The following MTHFD1L variants were observed in gnomAD, a reference collection of about 807,000 sequenced individuals.
MTHFD1L encodes methylenetetrahydrofolate dehydrogenase (NADP+ dependent) 1 like.
A neutral mutation model predicts 119.5 loss-of-function variants in MTHFD1L; 81 were observed. That is an observed-to-expected ratio of 0.68 (90% CI 0.57 to 0.82). The LOEUF (loss-of-function observed/expected upper bound fraction) is 0.82. Among genes scored for constraint, MTHFD1L ranks in the 40% least tolerant of loss-of-function variants. MTHFD1L has a pLI of 0.00. For missense variants in MTHFD1L, 1,125 were observed against 1,253.4 expected, an observed-to-expected ratio of 0.90 and a Z score of 1.55; for synonymous variants, 430 against 475.2, an observed-to-expected ratio of 0.90 and a Z score of 1.24.
intron 20 of MTHFD1L, among the ~76,000 whole-genome samples, chr6:151,008,795 G>T (rs574061413): frequency 4.5e-4 from 69 of 152,132 alleles, no homozygotes; most frequent in Admixed American, 2.2e-3. Flanking sequence ...TTACTGGGTG[G>T]CACTAAAATA....
In MTHFD1L at chr6:151,100,657, TA is replaced by T. The variant is rs1795295366; in HGVS notation, c.*32-867del. Among the ~76,000 whole-genome samples, 6 of 151,544 alleles carry T rather than the reference TA, an allele frequency of 4.0e-5. No individual in the cohort carries two copies. The South Asian group carries it at 1.3e-3, about 32-fold the overall frequency. On this transcript the variant is annotated intron_variant, in intron 27 of 27. Coordinates refer to ENST00000367321, the MANE Select transcript of MTHFD1L (RefSeq NM_015440.5). Reference sequence around the variant, plus strand: ...TTGTTTTGTTTCTTTTTTTTTTTTTTAATGTAGTTTATTTCTCTTTCTAAGA... The same window carrying T: ...TTGTTTTGTTTCTTTTTTTTTTTTTTATGTAGTTTATTTCTCTTTCTAAGA...
At chr6:150,960,165 G>A in intron 17 of MTHFD1L, 110 bp from the exon 18 acceptor site, 1 of 1,388,958 alleles carries the variant, frequency 7.2e-7, no homozygotes, top group Non-Finnish European at 9.7e-7. Context: ...CCTTTTGAGG[G>A]TAGACTCTCT....
chr6:151,027,340 T>C (rs1269396251), intron 24 of MTHFD1L, among the ~76,000 whole-genome samples: 2 of 152,168 alleles, frequency 1.3e-5, no homozygotes, highest in Non-Finnish European at 2.9e-5. Context: ...ACAAAGTCCC[T>C]GAAGCTGTAT....
Position 150,885,825 on chromosome 6 carries a change from T to A in MTHFD1L, c.643+91T>A, listed in dbSNP as rs974032165. 37 of 964,712 alleles carry A rather than the reference T, an allele frequency of 3.8e-5. No homozygotes were observed. In the Admixed American group the frequency reaches 4.7e-4, roughly 12 times the overall value. The allele number at this position is 964,712 out of a possible 1,614,324, so 59.8% of individuals were successfully genotyped here. On this transcript the variant is annotated intron_variant, in intron 6 of 27. Coordinates refer to ENST00000367321, the MANE Select transcript of MTHFD1L (RefSeq NM_015440.5). Reference sequence around the variant, plus strand: ...GATTTGTTTGGGGAAGAATTAAAAATTTTTTTAAATTATTATTCTGATATC... The same window carrying A: ...GATTTGTTTGGGGAAGAATTAAAAAATTTTTTAAATTATTATTCTGATATC...
intron 20 of MTHFD1L, among the ~76,000 whole-genome samples, chr6:150,994,095 A>AGAAAGAAAGAAAGAAAG (rs1562508913): frequency 7.0e-6 from 1 of 143,826 alleles, no homozygotes; most frequent in African/African-American, 2.7e-5. Context: ...GAAAGAAAGA[A>AGAAAGAAAGAAAGAAAG]AGTGACCCAG....
intron 20 of MTHFD1L, among the ~76,000 whole-genome samples, chr6:150,998,592 G>A (rs962130287): frequency 3.3e-5 from 5 of 150,290 alleles, no homozygotes; most frequent in African/African-American, 1.2e-4. Flanking sequence ...ACAACATGAT[G>A]CCACCAGTGG....
In MTHFD1L at chr6:150,947,672, T is replaced by G. The variant is rs370869966; in HGVS notation, c.1624-1359T>G. 6.3e-4 allele frequency among the ~76,000 whole-genome samples: 94 copies of G among 148,232 alleles called. 2 individuals carry two copies. In the South Asian group the frequency reaches 0.019, roughly 31 times the overall value. Reference sequence around the variant, plus strand: ...TTGAAACATAGGAATAAACTTAACTTGAATTACTGGTATTTGTATTTGAAA... The same window carrying G: ...TTGAAACATAGGAATAAACTTAACTGGAATTACTGGTATTTGTATTTGAAA... On this transcript the variant is annotated intron_variant, in intron 15 of 27. Coordinates refer to ENST00000367321, the MANE Select transcript of MTHFD1L (RefSeq NM_015440.5).
chr6:150,945,482 C>T lies in MTHFD1L; in HGVS notation c.1564C>T (p.Leu522=). 6.2e-7 allele frequency: 1 copy of T among 1,613,806 alleles called. No individual in the cohort carries two copies. Among genetic ancestry groups the T allele is most frequent in the Non-Finnish European group, 8.5e-7 (1 of 1,179,944 alleles). ...TQTDKALYNR[L]VPLVNGVREF... ...GTGTTTTTAGGCTCTGTATAATCGGCTGGTTCCTTTAGTGAATGGTGTCAG... is the reference window on the plus strand; with the variant it reads ...GTGTTTTTAGGCTCTGTATAATCGGTTGGTTCCTTTAGTGAATGGTGTCAG... Residue 522 remains leucine, a synonymous_variant, in exon 15 of 28, where the codon CTG becomes TTG. Transcript: ENST00000367321.
In MTHFD1L at chr6:151,046,778, A is replaced by G. The variant is rs1788154884; in HGVS notation, c.2847+9661A>G. Among the ~76,000 whole-genome samples the G allele has an allele frequency of 2.6e-5, 4 of 152,280 alleles. No individual in the cohort carries two copies. In the South Asian group the frequency reaches 8.3e-4, roughly 32 times the overall value. ...CAGCTAAGCAATATATGCAAGGGAA[A>G]TAAAATGAATGCAAACCAAGATACC... On this transcript the variant is annotated intron_variant, in intron 26 of 27. Coordinates refer to ENST00000367321, the MANE Select transcript of MTHFD1L (RefSeq NM_015440.5).
At chr6:151,069,963 G>A (rs573030996) in intron 26 of MTHFD1L, among the ~76,000 whole-genome samples, 3 of 152,212 alleles carry the variant, frequency 2.0e-5, no homozygotes, top group East Asian at 3.9e-4. Flanking sequence ...TTATGTTGAC[G>A]CAGAGGACCT....
intron 26 of MTHFD1L, among the ~76,000 whole-genome samples, chr6:151,087,120 G>A (rs1027654569): frequency 2.0e-5 from 3 of 152,060 alleles, no homozygotes; most frequent in East Asian, 1.9e-4. Context: ...ATGGCGGCGG[G>A]CACCTGTAAT....
At chr6:151,096,317 G>A (rs949999242) in intron 27 of MTHFD1L, among the ~76,000 whole-genome samples, 2 of 152,080 alleles carry the variant, frequency 1.3e-5, no homozygotes, top group Non-Finnish European at 2.9e-5. Context: ...CCAATCCAAG[G>A]CCTCTTTCTT....
intron 20 of MTHFD1L, among the ~76,000 whole-genome samples, chr6:151,006,865 C>G (rs573747981): frequency 6.6e-6 from 1 of 152,132 alleles, no homozygotes; most frequent in Non-Finnish European, 1.5e-5. Context: ...GATCAGCCCC[C>G]GTTATGTAAA....
intron 1 of MTHFD1L, among the ~76,000 whole-genome samples, chr6:150,867,565 T>C (rs555996486): frequency 6.6e-6 from 1 of 152,338 alleles, no homozygotes; most frequent in African/African-American, 2.4e-5. Flanking sequence ...TCTCCCGTCA[T>C]GCTGTTTTAT....
intron 24 of MTHFD1L, among the ~76,000 whole-genome samples, chr6:151,019,150 A>G (rs2128498473): frequency 6.6e-6 from 1 of 151,522 alleles, no homozygotes; most frequent in East Asian, 1.9e-4. Context: ...CCCTTGGCAC[A>G]TGCCAGAGCC....
rs1320221168 is a variant in MTHFD1L at position 151,058,691 on chromosome 6, T to TTGGCC, written c.2847+21585_2847+21589dup. 5.3e-5 allele frequency among the ~76,000 whole-genome samples: 8 copies of TTGGCC among 152,344 alleles called. No individual in the cohort carries two copies. In the East Asian group the frequency reaches 7.7e-4, roughly 15 times the overall value. Reference sequence around the variant, plus strand: ...GGACTCCTGCCCCTGCCTGAGTGGCTTGGCCTGGCCTGGCCATGTGAGTCT... The same window carrying TTGGCC: ...GGACTCCTGCCCCTGCCTGAGTGGCTTGGCCTGGCCTGGCCTGGCCATGTGAGTCT... On this transcript the variant is annotated intron_variant, in intron 26 of 27. Coordinates refer to ENST00000367321, the MANE Select transcript of MTHFD1L (RefSeq NM_015440.5).
intron 24 of MTHFD1L, among the ~76,000 whole-genome samples, chr6:151,028,500 C>T (rs1784885652): frequency 6.6e-6 from 1 of 152,094 alleles, no homozygotes; most frequent in African/African-American, 2.4e-5. Context: ...AAGGACACCT[C>T]CTATCACACG....
rs114831440 is a variant in MTHFD1L, at chr6:150,880,352, A to G, written c.418-2410A>G. ...AGATTGCACATGTAAGTGACATCCT[A>G]TGATATTTGCCTTTCTGCACCTGGC... On this transcript the variant is annotated intron_variant, in intron 4 of 27. Coordinates refer to ENST00000367321, the MANE Select transcript of MTHFD1L (RefSeq NM_015440.5). Among the ~76,000 whole-genome samples the G allele has an allele frequency of 1.1e-3, 167 of 152,202 alleles. 1 individual carries two copies. The highest frequency in any genetic ancestry group is 3.9e-3 in the African/African-American group (163 of 41,536).
At chr6:151,096,089 C>T (rs1334780310) in intron 27 of MTHFD1L, among the ~76,000 whole-genome samples, 1 of 152,136 alleles carries the variant, frequency 6.6e-6, no homozygotes, top group Non-Finnish European at 1.5e-5. Flanking sequence ...ATTTCAGTCA[C>T]GGGTAAAATG....
Sources: gnomAD v4.1 joint callset for allele counts (sites outside exome capture counted in the v4.1 genomes callset) on GRCh38, gnomAD v4.1.1 for gene constraint, MANE v1.5 for transcripts, NCBI Gene and HGNC (gene_info 2026-07-23, HGNC 2026-07-21) for gene names.